Variants in CLIP1 observed in about 807,000 individuals in gnomAD.
The protein encoded by CLIP1 is CAP-Gly domain containing linker protein 1.
CLIP1 carries 66 observed loss-of-function variants against 161.6 expected under a neutral mutation model. The observed-to-expected ratio is 0.41, with a 90% CI of 0.33 to 0.50. The LOEUF (loss-of-function observed/expected upper bound fraction) is 0.50. Among genes scored for constraint, CLIP1 ranks in the 20% least tolerant of loss-of-function variants. The pLI is 0.27. For synonymous variants in CLIP1, 598 were observed against 626.2 expected, an observed-to-expected ratio of 0.96 and a Z score of 0.67; for missense variants, 1,376 against 1,702.0, an observed-to-expected ratio of 0.81 and a Z score of 3.37.
intron 1 of CLIP1, among the ~76,000 whole-genome samples, chr12:122,410,236 A>G (rs1956478665): frequency 6.6e-6 from 1 of 152,056 alleles, no homozygotes; most frequent in African/African-American, 2.4e-5. Flanking sequence ...AGGACACATG[A>G]CTGTTTTACT....
At chr12:122,338,008 C>CT (rs1952318442) in intron 11 of CLIP1, among the ~76,000 whole-genome samples, 1 of 139,658 alleles carries the variant, frequency 7.2e-6, no homozygotes, top group Non-Finnish European at 1.5e-5. Flanking sequence ...GAGCGAGACT[C>CT]TGTCTCAAAA....
chr12:122,368,564 G>A (rs986079451), intron 3 of CLIP1, among the ~76,000 whole-genome samples: 2 of 152,120 alleles, frequency 1.3e-5, no homozygotes, highest in African/African-American at 2.4e-5. Context: ...CAGTAATGAG[G>A]GGTTGTTTCA....
At chr12:122,293,410 C>T (rs1178997867) in intron 20 of CLIP1, among the ~76,000 whole-genome samples, 2 of 151,942 alleles carry the variant, frequency 1.3e-5, no homozygotes, top group African/African-American at 2.4e-5. Flanking sequence ...GTGGGATAAC[C>T]GGAAACCTCA....
chr12:122,361,062 G>A lies in CLIP1; in HGVS notation c.902C>T (p.Ala301Val), dbSNP rs142895880. 9.3e-6 allele frequency: 15 copies of A among 1,614,248 alleles called. No homozygotes were observed. Among genetic ancestry groups the A allele is most frequent in the African/African-American group, 5.3e-5 (4 of 75,068 alleles). ...GCGCTTCAGGCTGGCGGACGTGGTCGCCATCACTCGCCTCACTGCGTTGGC... is the reference window on the plus strand; with the variant it reads ...GCGCTTCAGGCTGGCGGACGTGGTCACCATCACTCGCCTCACTGCGTTGGC... Reference protein sequence around the residue: ...AKANAVRRVMATTSASLKRSP... With the variant: ...AKANAVRRVMVTTSASLKRSP... The change falls in exon 5 of 26, where the codon GCG becomes GTG. Residue 301 changes from alanine (A) to valine (V), a missense_variant. Physicochemically the swap from Ala to Val is moderately conservative, Grantham distance 64. Transcript: ENST00000620786.
At position 122,271,479 on chromosome 12, in the gene CLIP1, C is replaced by G. The variant is rs1291956094; in HGVS notation, c.*1396G>C. ...AGTAGATACAGAACACTTGTTTGGCCAAATTTTAATACTGCTTTACATGTT... is the reference window on the plus strand; with the variant it reads ...AGTAGATACAGAACACTTGTTTGGCGAAATTTTAATACTGCTTTACATGTT... On this transcript the variant is annotated 3_prime_UTR_variant, in exon 26 of 26. Coordinates refer to ENST00000620786, the MANE Select transcript of CLIP1 (RefSeq NM_001247997.2). 1 of 152,552 alleles carries G rather than the reference C, an allele frequency of 6.6e-6. No homozygotes were observed. Among genetic ancestry groups the G allele is most frequent in the Non-Finnish European group, 1.5e-5 (1 of 68,028 alleles). The allele number at this position is 152,552 out of a possible 1,614,324, so 9.4% of individuals were successfully genotyped here. A position where few individuals can be genotyped will look rare whatever the true frequency, so the allele number is the denominator to read the frequency against.
chr12:122,357,704 G>A (rs1393197449), intron 5 of CLIP1, among the ~76,000 whole-genome samples: 1 of 139,118 alleles, frequency 7.2e-6, no homozygotes, highest in Non-Finnish European at 1.5e-5. Context: ...TCAGTCCCCT[G>A]CCCAGCCAGC....
chr12:122,353,538 A>G (rs1953156216), intron 7 of CLIP1, among the ~76,000 whole-genome samples: 1 of 152,176 alleles, frequency 6.6e-6, no homozygotes, highest in South Asian at 2.1e-4. Flanking sequence ...CACTTGAGCC[A>G]GGGATGTCAC....
At chr12:122,414,927 G>A (rs1007940821) in intron 1 of CLIP1, among the ~76,000 whole-genome samples, 2 of 151,992 alleles carry the variant, frequency 1.3e-5, no homozygotes, top group Non-Finnish European at 2.9e-5. Flanking sequence ...GCATGGTGGC[G>A]CATGCCTATA....
intron 10 of CLIP1, among the ~76,000 whole-genome samples, 180 bp downstream of exon 10, chr12:122,347,195 C>T (rs1442454353): frequency 1.3e-5 from 2 of 152,110 alleles, no homozygotes; most frequent in African/African-American, 4.8e-5. Flanking sequence ...TGACAAAAGA[C>T]GAGATATAAA....
At chr12:122,363,225 C>A (rs975575004) in intron 4 of CLIP1, among the ~76,000 whole-genome samples, 1 of 152,122 alleles carries the variant, frequency 6.6e-6, no homozygotes, top group Admixed American at 6.5e-5. Flanking sequence ...CCAGGCTGGA[C>A]GCGGTGGCTC....
chr12:122,349,894 GTTTTTTTTGTTTTTTTTGT>G (rs1952938415), intron 9 of CLIP1, among the ~76,000 whole-genome samples: 1 of 70,658 alleles, frequency 1.4e-5, no homozygotes, highest in African/African-American at 4.2e-5. Flanking sequence ...GTGTTTTTTT[GTTTTTTTTGTTTTTTTTGT>G]TTTTTTTTGA....
Position 122,272,877 on chromosome 12 carries a change from A to C in CLIP1, c.4315T>G (p.Ter1439GlyextTer1). The C allele has an allele frequency of 3.7e-6, 6 of 1,614,172 alleles. No individual in the cohort carries two copies. Among genetic ancestry groups the C allele is most frequent in the Non-Finnish European group, 5.1e-6 (6 of 1,179,974 alleles). The stretch of plus-strand genomic sequence containing the variant: ...CCAGTTCTCCACTGGAGGCTTCATC[A>C]GAAGGTTTCGTCGTCATTGCAGTTG... ...ATNCNDDETF* is the reference protein window; with the variant it reads ...ATNCNDDETFG The change falls in exon 26 of 26, where the codon TGA becomes GGA. Residue 1439 changes from the stop codon to glycine (G), a stop_lost. Transcript: ENST00000620786.
chr12:122,273,683 G>C (rs1421827455), intron 25 of CLIP1, among the ~76,000 whole-genome samples: 1 of 151,948 alleles, frequency 6.6e-6, no homozygotes, highest in African/African-American at 2.4e-5. Flanking sequence ...CAATCCCCTA[G>C]AGAAGCTCAC....
chr12:122,355,018 A>C lies in CLIP1; in HGVS notation c.1203+97T>G. The C allele has an allele frequency of 9.3e-7, 1 of 1,076,198 alleles. No individual in the cohort carries two copies. Among genetic ancestry groups the C allele is most frequent in the Non-Finnish European group, 1.4e-6 (1 of 725,308 alleles). The allele number at this position is 1,076,198 out of a possible 1,614,324, so 66.7% of individuals were successfully genotyped here. A position where few individuals can be genotyped will look rare whatever the true frequency, so the allele number is the denominator to read the frequency against. On this transcript the variant is annotated intron_variant, in intron 6 of 25. Transcript: ENST00000620786. This position sits in a 1 kb window ranked among gnomAD's most constrained non-coding sequence, Gnocchi z 4.1. ...ATGTACACCCATTTCTTGTGCTCTC[A>C]AGTCTAGCTCCTCGGTGCCAAGCAC... is the stretch of plus-strand genomic sequence containing the variant.
chr12:122,282,243 A>G (rs1265861601), intron 21 of CLIP1, among the ~76,000 whole-genome samples: 5 of 152,206 alleles, frequency 3.3e-5, no homozygotes, highest in African/African-American at 1.2e-4. Context: ...CTAAGCTCCA[A>G]TTCCACTATG....
chr12:122,377,157 C>T (rs567851336), intron 3 of CLIP1, among the ~76,000 whole-genome samples: 51 of 152,020 alleles, frequency 3.4e-4, no homozygotes, highest in African/African-American at 1.2e-3. Flanking sequence ...TACAGGCGCC[C>T]CCACCAATCC....
intron 20 of CLIP1, among the ~76,000 whole-genome samples, chr12:122,305,089 T>A (rs1950818774): frequency 6.6e-6 from 1 of 152,226 alleles, no homozygotes; most frequent in Admixed American, 6.5e-5. Flanking sequence ...ATAAGCAAAC[T>A]GTAACCTCAT....
intron 1 of CLIP1, among the ~76,000 whole-genome samples, chr12:122,394,488 CAAAAAAAAAA>C (rs66683857): frequency 1.7e-5 from 1 of 57,998 alleles, no homozygotes; most frequent in Non-Finnish European, 2.9e-5. Flanking sequence ...GACGCTGTCT[CAAAAAAAAAA>C]AAAAAAAAAA....
intron 15 of CLIP1, among the ~76,000 whole-genome samples, chr12:122,331,803 T>C (rs2136270305): frequency 6.6e-6 from 1 of 151,530 alleles, no homozygotes; most frequent in South Asian, 2.1e-4. Context: ...GAGACCACCC[T>C]GGCCAACATG....
Sources: allele counts gnomAD v4.1 joint callset (sites outside exome capture counted in the v4.1 genomes callset), GRCh38; gene constraint gnomAD v4.1.1; non-coding constraint Gnocchi (gnomAD v3.1); transcripts MANE v1.5; gene names NCBI Gene and HGNC (gene_info 2026-07-23, HGNC 2026-07-21).